Variants in CC2D2A observed in about 807,000 individuals in gnomAD.
CC2D2A encodes coiled-coil and C2 domain containing 2A, also known as coiled-coil and C2 domain-containing protein 2A.
In CC2D2A, 155 loss-of-function variants were observed where a neutral mutation model predicts 212.9. The ratio of observed to expected loss-of-function variants is 0.73; its 90% CI spans 0.64 to 0.83. The LOEUF (loss-of-function observed/expected upper bound fraction) is 0.83, where lower values mean the gene tolerates loss of function less well. Ranked by LOEUF, CC2D2A falls within the 40% of genes least tolerant of loss-of-function variation. CC2D2A has a pLI of 0.00. For synonymous variants in CC2D2A, 667 were observed against 686.5 expected (o/e 0.97, Z 0.44); for missense variants, 1,856 against 1,956.2 (o/e 0.95, Z 0.97).
At chr4:15,473,204 G>T (rs1045200224) in intron 1 of CC2D2A, 6 of 152,100 alleles carry the variant, frequency 3.9e-5, no homozygotes, top group African/African-American at 1.4e-4. Context: ...ACAAAATAAT[G>T]TTTCTGCCCT....
In CC2D2A at chr4:15,475,883, A is replaced by G. The variant is rs1321770141; in HGVS notation, c.-18-32A>G. ...GAGAAGCAATATTTCATTGATTTCA[A>G]AATGCCTGACTTCTTCATTGTTCTT... On this transcript the variant is annotated intron_variant, in intron 1 of 36. Coordinates refer to ENST00000424120, the MANE Select transcript of CC2D2A (RefSeq NM_001378615.1). 4 of 1,510,200 alleles carry G rather than the reference A, an allele frequency of 2.6e-6. No homozygotes were observed. In the African/African-American group the frequency reaches 4.1e-5, roughly 16 times the overall value. 93.5% of individuals were successfully genotyped at this position (1,510,200 alleles called of 1,614,324 possible).
chr4:15,600,076 G>A (rs772916497), intron 36 of CC2D2A, among the ~76,000 whole-genome samples: 4 of 152,100 alleles, frequency 2.6e-5, no homozygotes, highest in Non-Finnish European at 4.4e-5. Context: ...AAGAAAGGTG[G>A]TTATTAATAG....
chr4:15,579,930 A>T (rs1468874084), intron 29 of CC2D2A, 38 bp from the exon 30 acceptor site: 1 of 1,513,972 alleles, frequency 6.6e-7, no homozygotes, highest in African/African-American at 1.4e-5. Flanking sequence ...TCTCTCTTGT[A>T]ATCATACATA....
At chr4:15,493,264 A>AC (rs1187623944) in intron 4 of CC2D2A, among the ~76,000 whole-genome samples, 7 of 148,674 alleles carry the variant, frequency 4.7e-5, no homozygotes, top group African/African-American at 1.3e-4. Context: ...TTATTTATTT[A>AC]TTTATTTACT....
intron 1 of CC2D2A, among the ~76,000 whole-genome samples, chr4:15,473,699 C>T (rs1223486272): frequency 6.6e-6 from 1 of 152,108 alleles, no homozygotes; most frequent in Non-Finnish European, 1.5e-5. Flanking sequence ...GAGTTTCTTG[C>T]AGTAGATTTC....
intron 4 of CC2D2A, among the ~76,000 whole-genome samples, chr4:15,491,966 T>C (rs994439427): frequency 2.6e-5 from 4 of 152,202 alleles, no homozygotes; most frequent in African/African-American, 9.7e-5. Context: ...CAACTCAAGG[T>C]TATGGAAATT....
intron 11 of CC2D2A, among the ~76,000 whole-genome samples, chr4:15,526,705 C>A (rs997293202): frequency 6.6e-6 from 1 of 152,146 alleles, no homozygotes; most frequent in African/African-American, 2.4e-5. Flanking sequence ...AATAAAGGCA[C>A]AAAATCAAAG....
At chr4:15,587,135 C>T (rs983997465) in intron 31 of CC2D2A, among the ~76,000 whole-genome samples, 5 of 152,222 alleles carry the variant, frequency 3.3e-5, no homozygotes, top group African/African-American at 1.2e-4. Flanking sequence ...AACTGTTTCA[C>T]CTCAGATCAT....
At chr4:15,533,047 C>A in intron 13 of CC2D2A, 146 bp from the exon 14 acceptor site, 1 of 589,178 alleles carries the variant, frequency 1.7e-6, no homozygotes. Context: ...ATTGTCTTTA[C>A]ATTCACATTT....
intron 18 of CC2D2A, among the ~76,000 whole-genome samples, chr4:15,551,684 C>T (rs1346259211): frequency 6.6e-6 from 1 of 152,070 alleles, no homozygotes; most frequent in East Asian, 1.9e-4. Flanking sequence ...CTCAGACTCT[C>T]AATCATTTCT....
At chr4:15,545,283 T>G (rs918635691) in intron 17 of CC2D2A, among the ~76,000 whole-genome samples, 1 of 152,224 alleles carries the variant, frequency 6.6e-6, no homozygotes, top group Admixed American at 6.5e-5. Flanking sequence ...ATAGTATATT[T>G]CAGAAAAAGT....
At chr4:15,581,187 C>CA (rs201690005) in intron 30 of CC2D2A, among the ~76,000 whole-genome samples, 64 of 151,710 alleles carry the variant, frequency 4.2e-4, no homozygotes, top group Admixed American at 1.3e-3. Context: ...ATAGATGTAT[C>CA]AAAAAAAACC....
At chr4:15,496,587 G>A (rs1027609301) in intron 4 of CC2D2A, among the ~76,000 whole-genome samples, 7 of 152,012 alleles carry the variant, frequency 4.6e-5, no homozygotes, top group African/African-American at 1.7e-4. Flanking sequence ...CTTCGCAAGC[G>A]ATATGATTCT....
intron 10 of CC2D2A, 82 bp downstream of exon 10, chr4:15,516,086 A>C (rs1452476868): frequency 7.3e-7 from 1 of 1,367,700 alleles, no homozygotes; most frequent in Non-Finnish European, 9.7e-7. Context: ...CAGTCATTGC[A>C]TCCACTGTAC....
At chr4:15,534,351 C>A (rs1577355405) in intron 14 of CC2D2A, among the ~76,000 whole-genome samples, 1 of 151,988 alleles carries the variant, frequency 6.6e-6, no homozygotes, top group Non-Finnish European at 1.5e-5. Context: ...TTAGTTTTTT[C>A]TTTTACTGTT....
intron 18 of CC2D2A, among the ~76,000 whole-genome samples, chr4:15,551,539 C>T (rs1719008340): frequency 6.6e-6 from 1 of 152,242 alleles, no homozygotes. Flanking sequence ...CATGAATTCA[C>T]TTTTTGGCTG....
rs1044063042 is a variant in CC2D2A, at chr4:15,563,195, C to A, written c.3015-160C>A. Among the ~76,000 whole-genome samples, 84 of 152,124 alleles carry A rather than the reference C, an allele frequency of 5.5e-4. 7 individuals carry two copies. The highest frequency in any genetic ancestry group is 1.5e-5 in the Non-Finnish European group (1 of 68,026). On this transcript the variant is annotated intron_variant, in intron 23 of 36. Transcript: ENST00000424120. Reference sequence around the variant, plus strand: ...AACAATCCATGCAGTAGGATCTCGCCCATTTGGGAGAATTTCTAGACTATT... The same window carrying A: ...AACAATCCATGCAGTAGGATCTCGCACATTTGGGAGAATTTCTAGACTATT...
At chr4:15,509,789 T>C (rs1716457437) in intron 6 of CC2D2A, among the ~76,000 whole-genome samples, 2 of 152,338 alleles carry the variant, frequency 1.3e-5, no homozygotes, top group South Asian at 4.1e-4. Context: ...CTAAATGGCA[T>C]AGCCAACTAC....
Position 15,540,997 on chromosome 4 carries a change from G to T in CC2D2A, c.2164G>T (p.Glu722Ter), listed in dbSNP as rs1340940841. The change falls in exon 17 of 37, where the codon GAG becomes TAG. Residue 722 changes from glutamate to a stop codon, truncating the protein, a stop_gained. Coordinates refer to ENST00000424120, the MANE Select transcript of CC2D2A (RefSeq NM_001378615.1). LOFTEE classifies it high-confidence loss of function. ...IFNLQIVNWP[E>*]SLTLQVYETV... is the part of the protein sequence containing the mutation. ...CAATTTGCAAATAGTCAACTGGCCG[G>T]AGAGTTTAACACTTCAGGTACACAT... 13 of 1,549,698 alleles carry T rather than the reference G, an allele frequency of 8.4e-6. No individual in the cohort carries two copies. The highest frequency in any genetic ancestry group is 1.1e-5 in the Non-Finnish European group (13 of 1,145,848).
Sources: allele counts gnomAD v4.1 joint callset (sites outside exome capture counted in the v4.1 genomes callset), GRCh38; gene constraint gnomAD v4.1.1; transcripts MANE v1.5; gene names NCBI Gene and HGNC (gene_info 2026-07-23, HGNC 2026-07-21).